Variants in CCDC66 observed in about 807,000 individuals in gnomAD.
CCDC66 encodes the protein coiled-coil domain containing 66, also known as coiled-coil domain-containing protein 66.
CCDC66 carries 133 observed loss-of-function variants against 128.3 expected under a neutral mutation model. The ratio of observed to expected loss-of-function variants is 1.04; its 90% CI spans 0.90 to 1.20. The LOEUF is 1.20. CCDC66 is among the 50% of genes most tolerant of loss of function. CCDC66 has a pLI of 0.00. For synonymous variants in CCDC66, 387 were observed against 357.0 expected, an observed-to-expected ratio of 1.08 and a Z score of -0.95; for missense variants, 1,126 against 1,075.5, an observed-to-expected ratio of 1.05 and a Z score of -0.66.
intron 3 of CCDC66, among the ~76,000 whole-genome samples, chr3:56,562,083 C>T (rs59897254): frequency 0.036 from 5,413 of 151,638 alleles, 114 homozygotes; most frequent in East Asian, 0.09. Context: ...TCTCTTTGTC[C>T]AGGCTGGAGT....
At chr3:56,597,452 A>C (rs1021096238) in intron 10 of CCDC66, among the ~76,000 whole-genome samples, 1 of 152,028 alleles carries the variant, frequency 6.6e-6, no homozygotes, top group African/African-American at 2.4e-5. Flanking sequence ...GTATTTTGAT[A>C]GAGATAGCAT....
chr3:56,569,350 C>T (rs527574973), intron 6 of CCDC66: 14 of 342,040 alleles, frequency 4.1e-5, no homozygotes, highest in Middle Eastern at 3.9e-4. Flanking sequence ...AGCATCTCCT[C>T]GGCTTCTGGT....
intron 7 of CCDC66, 90 bp from the exon 8 acceptor site, chr3:56,592,880 A>G (rs767333378): frequency 2.2e-6 from 3 of 1,376,498 alleles, no homozygotes; most frequent in African/African-American, 2.9e-5. Context: ...AGTGGATTAA[A>G]TCTGTATGTT....
chr3:56,557,242 C>G lies in CCDC66; in HGVS notation c.-1C>G, dbSNP rs1036693030. On this transcript the variant is annotated 5_prime_UTR_variant, in exon 1 of 18. Transcript: ENST00000394672. ...CTGTGGAGAGAGTGCGAGGTCAGGC[C>G]ATGAACTTGGGGTAAGCAGGGGTAA... The G allele has an allele frequency of 4.7e-6, 5 of 1,065,710 alleles. No homozygotes were observed. The East Asian group carries it at 1.1e-4, about 23-fold the overall frequency. 66.0% of individuals were successfully genotyped at this position (1,065,710 alleles called of 1,614,324 possible).
intron 10 of CCDC66, among the ~76,000 whole-genome samples, chr3:56,598,158 G>A (rs1316231716): frequency 6.7e-6 from 1 of 148,360 alleles, no homozygotes; most frequent in Non-Finnish European, 1.5e-5. Context: ...TGTTTTGTTT[G>A]TTTGTTTGTT....
At chr3:56,562,874 T>C (rs541563386) in intron 3 of CCDC66, among the ~76,000 whole-genome samples, 1 of 151,570 alleles carries the variant, frequency 6.6e-6, no homozygotes, top group African/African-American at 2.4e-5. Context: ...CTTGAACTCC[T>C]GACCTCAGGC....
At chr3:56,608,227 C>G (rs1312266172) in intron 10 of CCDC66, among the ~76,000 whole-genome samples, 5 of 152,090 alleles carry the variant, frequency 3.3e-5, no homozygotes, top group Admixed American at 6.5e-5. Context: ...ACCTGAATGT[C>G]TGGTAGAATG....
chr3:56,573,115 A>T (rs764405433), intron 7 of CCDC66, among the ~76,000 whole-genome samples: 7 of 152,224 alleles, frequency 4.6e-5, no homozygotes, highest in Non-Finnish European at 8.8e-5. Flanking sequence ...CCAAATTTTC[A>T]GTTGAAATGT....
Position 56,613,651 on chromosome 3 carries a change from A to C in CCDC66, c.1467A>C (p.Arg489Ser). The stretch of plus-strand genomic sequence containing the variant: ...AGAAACAACTGGAGGAAGAGCAAAG[A>C]AAGAAGGAAGAACAAGAAGAGGAGC... ...RRKKQLEEEQRKKEEQEEELR... is the reference protein window; with the variant it reads ...RRKKQLEEEQSKKEEQEEELR... The change falls in exon 11 of 18, where the codon AGA becomes AGC. Residue 489 changes from arginine (R) to serine (S), a missense_variant. Transcript: ENST00000394672. 1 of 1,614,110 alleles carries C rather than the reference A, an allele frequency of 6.2e-7. No homozygotes were observed. Among genetic ancestry groups the C allele is most frequent in the South Asian group, 1.1e-5 (1 of 91,080 alleles).
chr3:56,558,850 G>A lies in CCDC66; in HGVS notation c.16G>A (p.Gly6Ser). 6.5e-7 allele frequency: 1 copy of A among 1,547,006 alleles called. No individual in the cohort carries two copies. Among genetic ancestry groups the A allele is most frequent in the Non-Finnish European group, 8.7e-7 (1 of 1,143,436 alleles). MNLGD[G>S]LKLETELLDG... Reference sequence around the variant, plus strand: ...AACTTTCTTTTTTTATTACAGAGATGGTTTAAAGCTTGAAACTGAATTACT... The same window carrying A: ...AACTTTCTTTTTTTATTACAGAGATAGTTTAAAGCTTGAAACTGAATTACT... The change falls in exon 2 of 18, where the codon GGT (glycine) becomes AGT (serine). Residue 6 changes from glycine to serine, a missense_variant. Coordinates refer to ENST00000394672, the MANE Select transcript of CCDC66 (RefSeq NM_001141947.3).
At chr3:56,563,245 C>T (rs1439629698) in intron 3 of CCDC66, among the ~76,000 whole-genome samples, 2 of 151,878 alleles carry the variant, frequency 1.3e-5, no homozygotes, top group Non-Finnish European at 2.9e-5. Flanking sequence ...CCTGTAATCC[C>T]AGCTACTCAG....
chr3:56,572,955 A>G (rs2066841745), intron 7 of CCDC66: 1 of 152,254 alleles, frequency 6.6e-6, no homozygotes. Context: ...TTAAGTGTGT[A>G]AAGTTTAGAA....
intron 15 of CCDC66, chr3:56,618,479 A>G (rs1559783115): frequency 7.8e-6 from 3 of 382,918 alleles, no homozygotes; most frequent in East Asian, 8.3e-5. Flanking sequence ...TATTCCAGGT[A>G]TGTCATTAGC....
At position 56,563,649 on chromosome 3, in the gene CCDC66, C is replaced by T. The variant is rs774354273; in HGVS notation, c.103-35C>T. On this transcript the variant is annotated intron_variant, in intron 3 of 17. Transcript: ENST00000394672. ...AAGATAATTGGTGATTTTTCTTGGA[C>T]AGTTATAAAGAATAAGCTTCTGGTG... The T allele has an allele frequency of 2.6e-5, 37 of 1,450,486 alleles. 1 individual carries two copies. The South Asian group carries it at 4.6e-4, about 18-fold the overall frequency. The allele number at this position is 1,450,486 out of a possible 1,614,324, so 89.9% of individuals were successfully genotyped here.
At chr3:56,613,054 A>G (rs991214243) in intron 10 of CCDC66, among the ~76,000 whole-genome samples, 1 of 151,952 alleles carries the variant, frequency 6.6e-6, no homozygotes, top group Admixed American at 6.6e-5. Context: ...GGCTCTAGGG[A>G]TGTGGAGATG....
intron 13 of CCDC66, chr3:56,616,377 A>G: frequency 3.7e-6 from 1 of 267,526 alleles, no homozygotes; most frequent in Non-Finnish European, 7.1e-6. Flanking sequence ...CTGTCTCTGA[A>G]TATTTTTGCC....
intron 10 of CCDC66, among the ~76,000 whole-genome samples, chr3:56,597,416 T>C (rs2072194887): frequency 6.6e-6 from 1 of 152,070 alleles, no homozygotes; most frequent in South Asian, 2.1e-4. Flanking sequence ...TTTGAATTTT[T>C]TCTACTTCTG....
rs186909032 is a variant in CCDC66, at chr3:56,585,215, G to A, written c.937-7755G>A. Among the ~76,000 whole-genome samples, 616 of 151,876 alleles carry A rather than the reference G, an allele frequency of 4.1e-3. 3 individuals are homozygous for A. The highest frequency in any genetic ancestry group is 5.8e-3 in the Non-Finnish European group (392 of 68,004). On this transcript the variant is annotated intron_variant, in intron 7 of 17. Coordinates refer to ENST00000394672, the MANE Select transcript of CCDC66 (RefSeq NM_001141947.3). ...AGTTTTTATCTACTCATATCTTAAG[G>A]AATTGAAGTGGTCCAGGAAATCTTT...
intron 10 of CCDC66, among the ~76,000 whole-genome samples, chr3:56,606,631 A>G (rs529523796): frequency 3.3e-5 from 5 of 151,762 alleles, no homozygotes; most frequent in Admixed American, 2.6e-4. Context: ...ACCAGTCCCA[A>G]TGAGATGAAC....
Sources: gnomAD v4.1 joint callset for allele counts (sites outside exome capture counted in the v4.1 genomes callset) on GRCh38, gnomAD v4.1.1 for gene constraint, MANE v1.5 for transcripts, NCBI Gene and HGNC (gene_info 2026-07-23, HGNC 2026-07-21) for gene names.